The following ZNF684 variants were observed in gnomAD, a reference collection of about 807,000 sequenced individuals.
The protein encoded by ZNF684 is hypothetical protein MGC27466.
In ZNF684, 13 loss-of-function variants were observed where a neutral mutation model predicts 12.8. The observed-to-expected ratio is 1.02, with a 90% CI of 0.66 to 1.62. ZNF684 has a LOEUF of 1.62. ZNF684 is among the 40% of genes most tolerant of loss of function. The pLI, the probability that ZNF684 is intolerant of heterozygous loss-of-function variation, is 0.00. For synonymous variants in ZNF684, 118 were observed against 151.8 expected (o/e 0.78, Z 1.64); for missense variants, 384 against 446.9 (o/e 0.86, Z 1.27).
Position 40,533,132 on chromosome 1 carries a change from T to C in ZNF684, c.-24-11T>C. The C allele has an allele frequency of 6.2e-7, 1 of 1,611,252 alleles. No homozygotes were observed. Among genetic ancestry groups the C allele is most frequent in the Non-Finnish European group, 8.5e-7 (1 of 1,177,698 alleles). ...GTCTTTCTATTCTCTTCCCCATTTC[T>C]ACTTTCATAGATTTCTGTGTAAGAG... On this transcript the variant is annotated splice_polypyrimidine_tract_variant and intron_variant, in intron 1 of 4. Transcript: ENST00000372699.
chr1:40,547,122 C>A lies in ZNF684; in HGVS notation c.799C>A (p.Leu267Ile), dbSNP rs770286589. The A allele has an allele frequency of 6.2e-7, 1 of 1,614,172 alleles. No homozygotes were observed. Among genetic ancestry groups the A allele is most frequent in the South Asian group, 1.1e-5 (1 of 91,090 alleles). ...SFNQHVKSHTLEKSFECKECG... is the reference protein window; with the variant it reads ...SFNQHVKSHTIEKSFECKECG... ...TAATCAACACGTGAAATCTCATACACTTGAGAAGTCATTTGAATGTAAGGA... is the reference window on the plus strand; with the variant it reads ...TAATCAACACGTGAAATCTCATACAATTGAGAAGTCATTTGAATGTAAGGA... The change falls in exon 5 of 5, where the codon CTT (leucine) becomes ATT (isoleucine). Residue 267 changes from leucine to isoleucine, a missense_variant. Transcript: ENST00000372699.
At chr1:40,540,805 C>A in intron 3 of ZNF684, 93 bp downstream of exon 3, 1 of 1,262,978 alleles carries the variant, frequency 7.9e-7, no homozygotes, top group Non-Finnish European at 1.0e-6. Flanking sequence ...CAATTGTGGT[C>A]GCTCATGCTT....
Position 40,546,565 on chromosome 1 carries a change from C to A in ZNF684, c.242C>A (p.Ser81Tyr), listed in dbSNP as rs1034252724. Residue 81 changes from serine to tyrosine, a missense_variant, in exon 5 of 5, where the codon TCT becomes TAT. Ser to Tyr is a moderately radical substitution (Grantham distance 144). Transcript: ENST00000372699. ...GTTTTGTTGTACTCCTTTTTAGAAT[C>A]TGACTACCCACTTGTTGATGAACCA... ...GANPHESSPE[S>Y]DYPLVDEPGK... The A allele has an allele frequency of 2.0e-6, 3 of 1,535,042 alleles. No individual in the cohort carries two copies. Among genetic ancestry groups the A allele is most frequent in the Middle Eastern group, 1.8e-4 (1 of 5,694 alleles).
chr1:40,539,837 C>T (rs1300430446), intron 2 of ZNF684, among the ~76,000 whole-genome samples: 1 of 151,740 alleles, frequency 6.6e-6, no homozygotes, highest in African/African-American at 2.4e-5. Flanking sequence ...TACATAGATA[C>T]ATACATATAT....
rs1398941706 is a variant in ZNF684, at chr1:40,546,878, A to G, written c.555A>G (p.Lys185=). The G allele has an allele frequency of 6.2e-7, 1 of 1,613,570 alleles. No homozygotes were observed. Among genetic ancestry groups the G allele is most frequent in the Non-Finnish European group, 8.5e-7 (1 of 1,179,900 alleles). The part of the protein sequence containing the change: ...IRHEKNHTRK[K]PFECNDCGKA... ...ATGAAAAAAATCATACAAGGAAAAAACCTTTTGAATGCAATGACTGTGGAA... is the reference window on the plus strand; with the variant it reads ...ATGAAAAAAATCATACAAGGAAAAAGCCTTTTGAATGCAATGACTGTGGAA... Residue 185 remains lysine, a synonymous_variant, in exon 5 of 5, where the codon AAA becomes AAG. Coordinates refer to ENST00000372699, the MANE Select transcript of ZNF684 (RefSeq NM_152373.4).
At chr1:40,545,511 AT>A (rs1254969926) in intron 4 of ZNF684, among the ~76,000 whole-genome samples, 3 of 152,240 alleles carry the variant, frequency 2.0e-5, no homozygotes, top group East Asian at 1.9e-4. Context: ...GAATAAAAAA[AT>A]AATAGCAAAT....
intron 4 of ZNF684, among the ~76,000 whole-genome samples, chr1:40,543,738 G>A (rs532896187): frequency 2.6e-5 from 4 of 152,146 alleles, no homozygotes; most frequent in Non-Finnish European, 5.9e-5. Context: ...TTACAGGCGT[G>A]AGCCACCTCG....
rs142416399 is a variant in ZNF684 at position 40,537,819 on chromosome 1, A to G, written c.16-2767A>G. Among the ~76,000 whole-genome samples, 669 of 152,248 alleles carry G rather than the reference A, an allele frequency of 4.4e-3. 3 individuals carry two copies. Among genetic ancestry groups the G allele is most frequent in the African/African-American group, 0.016 (649 of 41,538 alleles). ...ACAGAGTTGTACAGCCATCACCACT[A>G]TCTAATTTCAGAACATTTTCATCAC... On this transcript the variant is annotated intron_variant, in intron 2 of 4. Transcript: ENST00000372699.
intron 2 of ZNF684, among the ~76,000 whole-genome samples, chr1:40,536,179 G>T (rs984238537): frequency 7.2e-5 from 11 of 152,064 alleles, no homozygotes; most frequent in Non-Finnish European, 1.5e-4. Flanking sequence ...AGATCACGAG[G>T]TCAGGAGATC....
At position 40,545,733 on chromosome 1, in the gene ZNF684, GA is replaced by G. The variant is rs1159531824; in HGVS notation, c.239-828del. ...TTTGAGAATGTTTCTAAAGGAAACT[GA>G]TACTGTGCAGAATGATTAAGAGGAA... On this transcript the variant is annotated intron_variant, in intron 4 of 4. Coordinates refer to ENST00000372699, the MANE Select transcript of ZNF684 (RefSeq NM_152373.4). Among the ~76,000 whole-genome samples the G allele has an allele frequency of 5.9e-5, 9 of 152,132 alleles. No individual in the cohort carries two copies. In the East Asian group the frequency reaches 1.5e-3, roughly 26 times the overall value.
At chr1:40,536,348 C>T (rs1189860434) in intron 2 of ZNF684, among the ~76,000 whole-genome samples, 3 of 146,904 alleles carry the variant, frequency 2.0e-5, no homozygotes, top group Non-Finnish European at 4.5e-5. Flanking sequence ...GAGCCGAGAT[C>T]GCACCACTGC....
chr1:40,546,420 T>A, intron 4 of ZNF684, 142 bp from the exon 5 acceptor site: 1 of 793,406 alleles, frequency 1.3e-6, no homozygotes, highest in South Asian at 2.6e-5. Flanking sequence ...TCAGCAGTTT[T>A]ATTCTTAAAG....
chr1:40,544,069 T>G (rs541664037), intron 4 of ZNF684, among the ~76,000 whole-genome samples: 1 of 152,182 alleles, frequency 6.6e-6, no homozygotes, highest in African/African-American at 2.4e-5. Context: ...CAATGAATAT[T>G]TTATTAATTT....
rs181560786 is a variant in ZNF684 at position 40,545,193 on chromosome 1, A to G, written c.239-1369A>G. 3.4e-3 allele frequency among the ~76,000 whole-genome samples: 515 copies of G among 152,324 alleles called. 9 individuals are homozygous for G. Among genetic ancestry groups the G allele is most frequent in the Non-Finnish European group, 3.2e-3 (217 of 68,024 alleles). On this transcript the variant is annotated intron_variant, in intron 4 of 4. Coordinates refer to ENST00000372699, the MANE Select transcript of ZNF684 (RefSeq NM_152373.4). ...CCACTCTATAAAGAAATGTGTACCA[A>G]TGGCTGTAGCCCACTACTCAGTCTA...
intron 2 of ZNF684, among the ~76,000 whole-genome samples, chr1:40,538,158 A>ATT (rs201507805): frequency 6.6e-6 from 1 of 151,264 alleles, no homozygotes; most frequent in Admixed American, 6.6e-5. Flanking sequence ...TACCCAGCTA[A>ATT]TTTTTTTTTA....
chr1:40,538,433 C>T (rs1029610546), intron 2 of ZNF684, among the ~76,000 whole-genome samples: 2 of 152,172 alleles, frequency 1.3e-5, no homozygotes, highest in African/African-American at 4.8e-5. Context: ...CAGATTATTC[C>T]ACTTTTTTGA....
chr1:40,547,347 C>T lies in ZNF684; in HGVS notation c.1024C>T (p.Leu342Phe). ...CAAAGCCTTCATCAAGAAGTCCCAT[C>T]TCCTCAGACATCAGATAACTCATAC... is the stretch of plus-strand genomic sequence containing the variant. ...CGKAFIKKSH[L>F]LRHQITHTGE... The change falls in exon 5 of 5, where the codon CTC becomes TTC. Residue 342 changes from leucine to phenylalanine, a missense_variant. Transcript: ENST00000372699. 2.5e-6 allele frequency: 4 copies of T among 1,613,974 alleles called. No homozygotes were observed. Among genetic ancestry groups the T allele is most frequent in the Non-Finnish European group, 3.4e-6 (4 of 1,179,926 alleles).
chr1:40,538,150 C>G (rs753844329), intron 2 of ZNF684, among the ~76,000 whole-genome samples: 1 of 151,978 alleles, frequency 6.6e-6, no homozygotes, highest in Non-Finnish European at 1.5e-5. Context: ...TGCCACCATA[C>G]CCAGCTAATT....
In ZNF684 at chr1:40,548,071, T is replaced by C. The variant is rs1646059417; in HGVS notation, c.*611T>C. On this transcript the variant is annotated 3_prime_UTR_variant, in exon 5 of 5. Coordinates refer to ENST00000372699, the MANE Select transcript of ZNF684 (RefSeq NM_152373.4). The stretch of plus-strand genomic sequence containing the variant: ...ACCAGAACAAAAAACAAGACACTAA[T>C]TGAGGAGAGAAAGGCACTTGTATTC... 2.0e-5 allele frequency: 3 copies of C among 152,180 alleles called. No individual in the cohort carries two copies. In the South Asian group the frequency reaches 6.2e-4, roughly 31 times the overall value. 9.4% of individuals were successfully genotyped at this position (152,180 alleles called of 1,614,324 possible).
Sources: gnomAD v4.1 joint callset for allele counts (sites outside exome capture counted in the v4.1 genomes callset) on GRCh38, gnomAD v4.1.1 for gene constraint, MANE v1.5 for transcripts, NCBI Gene and HGNC (gene_info 2026-07-23, HGNC 2026-07-21) for gene names.